TXNDC11: variants seen among roughly 807,000 people sequenced by gnomAD.
TXNDC11 encodes the protein thioredoxin domain-containing protein 11.
A neutral mutation model predicts 78.0 loss-of-function variants in TXNDC11; 68 were observed. That is an observed-to-expected ratio of 0.87 (90% CI 0.72 to 1.07). TXNDC11 has a LOEUF of 1.07. Among genes scored for constraint, TXNDC11 ranks in the 50% least tolerant of loss-of-function variants. The probability of loss-of-function intolerance (pLI) is 0.00; values close to 1 mark genes in which losing one functional copy is unlikely to be tolerated. For missense variants in TXNDC11, 1,389 were observed against 1,221.8 expected, an observed-to-expected ratio of 1.14 and a Z score of -2.04; for synonymous variants, 571 against 495.2, an observed-to-expected ratio of 1.15 and a Z score of -2.03.
intron 8 of TXNDC11, among the ~76,000 whole-genome samples, chr16:11,689,435 C>T (rs1054990204): frequency 1.3e-5 from 2 of 152,164 alleles, no homozygotes; most frequent in Non-Finnish European, 2.9e-5. Flanking sequence ...AGAATTATTT[C>T]CTAATCTGAA....
chr16:11,733,037 C>G (rs2052100769), intron 3 of TXNDC11, among the ~76,000 whole-genome samples: 1 of 152,114 alleles, frequency 6.6e-6, no homozygotes, highest in Non-Finnish European at 1.5e-5. Context: ...CTGGGCTGTA[C>G]TCTAGTACAG....
rs577960866 is a variant in TXNDC11, at chr16:11,681,203, C to G, written c.2235-1366G>C. Among the ~76,000 whole-genome samples the G allele has an allele frequency of 5.9e-5, 9 of 152,282 alleles. No individual in the cohort carries two copies. In the East Asian group the frequency reaches 1.7e-3, roughly 29 times the overall value. ...AGAAAACCAAAAAACCCCACAACAA[C>G]TGAAAACACATCGTGGCCCTGTCAA... On this transcript the variant is annotated intron_variant, in intron 11 of 11. Transcript: ENST00000283033.
At chr16:11,720,416 A>AT (rs35998980) in intron 5 of TXNDC11, among the ~76,000 whole-genome samples, 66,373 of 140,670 alleles carry the variant, frequency 0.47, 16,006 homozygotes, top group Middle Eastern at 0.57. Flanking sequence ...TGATGTAATA[A>AT]TTTTTTTTTT....
intron 1 of TXNDC11, among the ~76,000 whole-genome samples, chr16:11,739,949 T>G (rs2052342340): frequency 6.6e-6 from 1 of 151,836 alleles, no homozygotes; most frequent in Admixed American, 6.6e-5. Flanking sequence ...TCCCAGCACT[T>G]TGGGAGGCCG....
Position 11,742,837 on chromosome 16 carries a change from C to G in TXNDC11, c.-107G>C, listed in dbSNP as rs1297306823. The G allele has an allele frequency of 1.5e-6, 2 of 1,351,922 alleles. No homozygotes were observed. The highest frequency in any genetic ancestry group is 3.0e-5 in the East Asian group (1 of 33,844). 83.7% of individuals were successfully genotyped at this position (1,351,922 alleles called of 1,614,324 possible). ...CCGCAGCTCGCCGCACCCGCTAACC[C>G]GGACGCTCCACGTCAGCCGCGCCGC... On this transcript the variant is annotated 5_prime_UTR_variant, in exon 1 of 12. Coordinates refer to ENST00000283033, the MANE Select transcript of TXNDC11 (RefSeq NM_015914.7).
At chr16:11,702,033 A>G (rs1301658793) in intron 5 of TXNDC11, among the ~76,000 whole-genome samples, 1 of 151,752 alleles carries the variant, frequency 6.6e-6, no homozygotes, top group Non-Finnish European at 1.5e-5. Flanking sequence ...AAAAAAAAAA[A>G]AGAACTCACA....
intron 1 of TXNDC11, among the ~76,000 whole-genome samples, chr16:11,737,135 G>C (rs534027709): frequency 5.9e-5 from 9 of 152,056 alleles, no homozygotes; most frequent in Admixed American, 4.6e-4. Context: ...CCTAAAACGC[G>C]ATGAGATTAA....
chr16:11,701,069 C>T lies in TXNDC11; in HGVS notation c.794-505G>A, dbSNP rs539542387. 4.0e-5 allele frequency among the ~76,000 whole-genome samples: 6 copies of T among 150,316 alleles called. No individual in the cohort carries two copies. The South Asian group carries it at 1.3e-3, about 32-fold the overall frequency. ...ACCAATTACCCTATTTTTTATAGCACTTATTAACATTTGCATAATCTCATT... is the reference window on the plus strand; with the variant it reads ...ACCAATTACCCTATTTTTTATAGCATTTATTAACATTTGCATAATCTCATT... On this transcript the variant is annotated intron_variant, in intron 5 of 11. Coordinates refer to ENST00000283033, the MANE Select transcript of TXNDC11 (RefSeq NM_015914.7).
At chr16:11,740,228 C>T (rs964017792) in intron 1 of TXNDC11, among the ~76,000 whole-genome samples, 2 of 151,906 alleles carry the variant, frequency 1.3e-5, no homozygotes, top group Admixed American at 6.6e-5. Flanking sequence ...AGAGGAAAAG[C>T]GGGGGTAGAA....
chr16:11,686,141 A>T (rs1219016258), intron 10 of TXNDC11, among the ~76,000 whole-genome samples: 3 of 152,182 alleles, frequency 2.0e-5, no homozygotes, highest in Non-Finnish European at 4.4e-5. Flanking sequence ...TATTTTTAGT[A>T]GAGACAGGTT....
intron 5 of TXNDC11, among the ~76,000 whole-genome samples, chr16:11,704,248 T>G (rs2051114067): frequency 6.6e-6 from 1 of 152,090 alleles, no homozygotes; most frequent in Admixed American, 6.5e-5. Flanking sequence ...TAAATACCCA[T>G]GACTCCATAA....
At chr16:11,700,354 G>A in intron 6 of TXNDC11, 98 bp downstream of exon 6, 1 of 564,798 alleles carries the variant, frequency 1.8e-6, no homozygotes, top group South Asian at 2.9e-5. Flanking sequence ...CTTTTCTAGA[G>A]AGTGTCCATA....
In TXNDC11 at chr16:11,703,671, T is replaced by C. The variant is rs1409189149; in HGVS notation, c.794-3107A>G. The stretch of plus-strand genomic sequence containing the variant: ...ACATCCTAATACCAAAGAGCATACC[T>C]AGCACGTAGATCTTGGTTTCTAAAT... On this transcript the variant is annotated intron_variant, in intron 5 of 11. Coordinates refer to ENST00000283033, the MANE Select transcript of TXNDC11 (RefSeq NM_015914.7). 3 of 702,784 alleles carry C rather than the reference T, an allele frequency of 4.3e-6. No homozygotes were observed. In the East Asian group the frequency reaches 8.0e-5, roughly 19 times the overall value. 43.5% of individuals were successfully genotyped at this position (702,784 alleles called of 1,614,324 possible).
In TXNDC11 at chr16:11,736,211, GTAT is replaced by G. The variant is rs1323308363; in HGVS notation, c.274_276del (p.Ile92del). ...AAAAAGCTGACAGGTGGCTTTGCTGGTATTATCACATCTTTTGCTCGACTAAAA... is the reference window on the plus strand; with the variant it reads ...AAAAAGCTGACAGGTGGCTTTGCTGGTATCACATCTTTTGCTCGACTAAAA... On this transcript the variant is annotated inframe_deletion, in exon 2 of 12. Transcript: ENST00000283033. The G allele has an allele frequency of 3.7e-6, 6 of 1,612,082 alleles. No homozygotes were observed. Among genetic ancestry groups the G allele is most frequent in the East Asian group, 2.2e-5 (1 of 44,832 alleles).
At chr16:11,702,343 T>C (rs889257044) in intron 5 of TXNDC11, among the ~76,000 whole-genome samples, 5 of 152,192 alleles carry the variant, frequency 3.3e-5, no homozygotes, top group Admixed American at 1.3e-4. Context: ...ATCCCCTTTT[T>C]GCTTTATTAG....
chr16:11,736,294 T>C (rs1273368464), intron 1 of TXNDC11, 61 bp from the exon 2 acceptor site: 4 of 1,339,720 alleles, frequency 3.0e-6, no homozygotes, highest in Non-Finnish European at 4.2e-6. Flanking sequence ...AATAGCTCTG[T>C]GGAAGTAGAA....
chr16:11,692,959 G>A (rs564115223), intron 7 of TXNDC11, among the ~76,000 whole-genome samples: 33 of 152,134 alleles, frequency 2.2e-4, no homozygotes, highest in Non-Finnish European at 4.0e-4. Context: ...CTGCTTCAGG[G>A]AAGCTAGTCC....
intron 1 of TXNDC11, among the ~76,000 whole-genome samples, chr16:11,741,403 C>G (rs7192404): frequency 0.12 from 18,512 of 152,146 alleles, 1,467 homozygotes; most frequent in African/African-American, 0.22. Flanking sequence ...CATGAACTTT[C>G]ATGTTCCTAC....
At chr16:11,706,352 T>A (rs1269124452) in intron 5 of TXNDC11, among the ~76,000 whole-genome samples, 1 of 152,224 alleles carries the variant, frequency 6.6e-6, no homozygotes, top group Non-Finnish European at 1.5e-5. Context: ...AGGGTGCTCC[T>A]TGGCTGCTTG....
Sources: allele counts gnomAD v4.1 joint callset (sites outside exome capture counted in the v4.1 genomes callset), GRCh38; gene constraint gnomAD v4.1.1; transcripts MANE v1.5; gene names NCBI Gene and HGNC (gene_info 2026-07-23, HGNC 2026-07-21).